Variants in SMARCA2 observed in about 807,000 individuals in gnomAD.
The protein encoded by SMARCA2 is SWI/SNF related BAF chromatin remodeling complex subunit ATPase 2.
Under a neutral mutation model 199.8 loss-of-function variants are expected in SMARCA2, and 61 were observed. The ratio of observed to expected loss-of-function variants is 0.31; its 90% CI spans 0.25 to 0.38. The LOEUF is 0.38. Ranked by LOEUF, SMARCA2 falls within the 10% of genes least tolerant of loss-of-function variation. SMARCA2 has a pLI of 1.00. For synonymous variants in SMARCA2, 935 were observed against 732.0 expected (o/e 1.28, Z -4.48); for missense variants, 1,344 against 2,012.2 (o/e 0.67, Z 6.35).
chr9:2,073,123 G>A, intron 10 of SMARCA2, 89 bp from the exon 11 acceptor site: 5 of 1,474,638 alleles, frequency 3.4e-6, no homozygotes, highest in Non-Finnish European at 4.6e-6. Flanking sequence ...TTCACATGCT[G>A]GGCAGCAAAA....
chr9:2,074,727 C>T (rs12342534), intron 12 of SMARCA2, among the ~76,000 whole-genome samples: 7,181 of 152,062 alleles, frequency 0.047, 483 homozygotes, highest in African/African-American at 0.15. Context: ...ATCAGCGGGG[C>T]GTGGTGACGC....
At chr9:2,150,222 G>A (rs568466657) in intron 27 of SMARCA2, among the ~76,000 whole-genome samples, 2 of 151,608 alleles carry the variant, frequency 1.3e-5, no homozygotes, top group East Asian at 3.9e-4. Context: ...AACATCCCTA[G>A]CATAATGCTA....
chr9:2,096,504 T>C, intron 19 of SMARCA2, 153 bp from the exon 20 acceptor site: 1 of 601,676 alleles, frequency 1.7e-6, no homozygotes, highest in South Asian at 2.0e-5. Flanking sequence ...TGGTCTCTTC[T>C]AACACCCCCA....
chr9:2,115,670 C>T lies in SMARCA2; in HGVS notation c.3457-152C>T. 6 of 643,010 alleles carry T rather than the reference C, an allele frequency of 9.3e-6. 1 individual carries two copies. The highest frequency in any genetic ancestry group is 4.1e-5 in the South Asian group (2 of 48,238). 39.8% of individuals were successfully genotyped at this position (643,010 alleles called of 1,614,324 possible). On this transcript the variant is annotated intron_variant, in intron 24 of 33. Transcript: ENST00000349721. The surrounding 1 kb of genome is among the most constrained non-coding windows in gnomAD (Gnocchi z 6.0). ...AGGAATGACACTGAATTTTTCCAAA[C>T]GTAGCTTGTGTGTTTTTAAAATGTA...
chr9:2,185,263 T>A (rs577414469), intron 31 of SMARCA2, among the ~76,000 whole-genome samples: 1 of 152,364 alleles, frequency 6.6e-6, no homozygotes, highest in South Asian at 2.1e-4. Flanking sequence ...TTCGTATGAG[T>A]AGAATCATAG....
At chr9:2,024,351 C>A (rs1818734330) in intron 1 of SMARCA2, among the ~76,000 whole-genome samples, 1 of 152,120 alleles carries the variant, frequency 6.6e-6, no homozygotes, top group Non-Finnish European at 1.5e-5. Context: ...CCGTGTCCTG[C>A]AGGATCTTTC....
intron 27 of SMARCA2, among the ~76,000 whole-genome samples, chr9:2,139,928 A>T (rs143278754): frequency 1.3e-5 from 2 of 152,362 alleles, no homozygotes; most frequent in South Asian, 4.1e-4. Flanking sequence ...TCATCCTTGC[A>T]TGAAGGTTAA....
At position 2,115,386 on chromosome 9, in the gene SMARCA2, A is replaced by G. The variant is rs1823174787; in HGVS notation, c.3457-436A>G. Among the ~76,000 whole-genome samples the G allele has an allele frequency of 6.6e-6, 1 of 152,178 alleles. No homozygotes were observed. Among genetic ancestry groups the G allele is most frequent in the African/African-American group, 2.4e-5 (1 of 41,456 alleles). On this transcript the variant is annotated intron_variant, in intron 24 of 33. Coordinates refer to ENST00000349721, the MANE Select transcript of SMARCA2 (RefSeq NM_003070.5). This position sits in a 1 kb window ranked among gnomAD's most constrained non-coding sequence, Gnocchi z 6.0. Reference sequence around the variant, plus strand: ...GTATGTATGTATAATACCTGAATGTACAACTCAGTGATATTTTTAAAATAA... The same window carrying G: ...GTATGTATGTATAATACCTGAATGTGCAACTCAGTGATATTTTTAAAATAA...
chr9:2,151,285 A>T (rs1347004260), intron 27 of SMARCA2, among the ~76,000 whole-genome samples: 1 of 151,632 alleles, frequency 6.6e-6, no homozygotes, highest in Non-Finnish European at 1.5e-5. Flanking sequence ...AAAATAGTTC[A>T]TCAGGAGAGG....
At chr9:2,063,952 C>T (rs1275038635) in intron 9 of SMARCA2, among the ~76,000 whole-genome samples, 1 of 152,106 alleles carries the variant, frequency 6.6e-6, no homozygotes, top group Non-Finnish European at 1.5e-5. Context: ...TCCATTAAAG[C>T]CCTTGAAATG....
At chr9:2,192,303 G>T (rs762686068) in intron 33 of SMARCA2, 12 of 174,528 alleles carry the variant, frequency 6.9e-5, no homozygotes, top group South Asian at 2.8e-4. Flanking sequence ...TCAGAATTAT[G>T]ATCTCACCCC....
chr9:2,047,338 C>A lies in SMARCA2; in HGVS notation c.900C>A (p.Ala300=). The A allele has an allele frequency of 8.1e-7, 1 of 1,240,524 alleles. No individual in the cohort carries two copies. The allele number at this position is 1,240,524 out of a possible 1,614,324, so 76.8% of individuals were successfully genotyped here. A position where few individuals can be genotyped will look rare whatever the true frequency, so the allele number is the denominator to read the frequency against. The part of the protein sequence containing the change: ...APPAAAQPPA[A]AVPGPSVPQP... ...CCGCAGCCGCGCAGCCGCCCGCGGCCGCAGTGCCCGGGCCCTCAGTGCCGC... is the reference window on the plus strand; with the variant it reads ...CCGCAGCCGCGCAGCCGCCCGCGGCAGCAGTGCCCGGGCCCTCAGTGCCGC... The change falls in exon 5 of 34, where the codon GCC becomes GCA. Residue 300 remains alanine, a synonymous_variant. Transcript: ENST00000349721.
At chr9:2,178,360 C>T (rs1424634108) in intron 29 of SMARCA2, among the ~76,000 whole-genome samples, 2 of 152,124 alleles carry the variant, frequency 1.3e-5, no homozygotes, top group Non-Finnish European at 2.9e-5. Context: ...ATGTCACAGG[C>T]CATCAGTGGT....
intron 4 of SMARCA2, chr9:2,041,153 T>G: frequency 2.0e-5 from 8 of 391,460 alleles, no homozygotes; most frequent in Non-Finnish European, 9.0e-6. Context: ...TTCTGCCTAT[T>G]GAGTTTGTAT....
At chr9:2,022,551 C>A (rs371139709) in intron 1 of SMARCA2, among the ~76,000 whole-genome samples, 4 of 152,114 alleles carry the variant, frequency 2.6e-5, no homozygotes, top group African/African-American at 9.7e-5. Context: ...TTAATGAGTG[C>A]CTATGATAGA....
chr9:2,043,749 T>C (rs1365972722), intron 4 of SMARCA2: 3 of 152,196 alleles, frequency 2.0e-5, no homozygotes, highest in Non-Finnish European at 4.4e-5. Flanking sequence ...TTTTAATACA[T>C]TGTTACCCTA....
chr9:2,108,734 C>T (rs918190042), intron 23 of SMARCA2, among the ~76,000 whole-genome samples: 2 of 152,040 alleles, frequency 1.3e-5, no homozygotes, highest in South Asian at 2.1e-4. Flanking sequence ...CCATTAGCGT[C>T]GTGAACAGAT....
chr9:2,123,106 G>A lies in SMARCA2; in HGVS notation c.3763-613G>A, dbSNP rs563219774. The stretch of plus-strand genomic sequence containing the variant: ...AAAGCTTAAAATGTAAAGAATTGAA[G>A]AGCATTCCTCAGACAGTGCCCATGA... On this transcript the variant is annotated intron_variant, in intron 26 of 33. Coordinates refer to ENST00000349721, the MANE Select transcript of SMARCA2 (RefSeq NM_003070.5). This position sits in a 1 kb window ranked among gnomAD's most constrained non-coding sequence, Gnocchi z 4.1. Among the ~76,000 whole-genome samples the A allele has an allele frequency of 1.3e-5, 2 of 152,188 alleles. No individual in the cohort carries two copies. The highest frequency in any genetic ancestry group is 4.8e-5 in the African/African-American group (2 of 41,440).
intron 27 of SMARCA2, among the ~76,000 whole-genome samples, chr9:2,153,096 C>A (rs529373914): frequency 1.1e-4 from 17 of 152,144 alleles, no homozygotes; most frequent in African/African-American, 3.1e-4. Context: ...TAAAGGAACT[C>A]AGCTAATTCA....
Sources: allele counts gnomAD v4.1 joint callset (sites outside exome capture counted in the v4.1 genomes callset), GRCh38; gene constraint gnomAD v4.1.1; non-coding constraint Gnocchi (gnomAD v3.1); transcripts MANE v1.5; gene names NCBI Gene and HGNC (gene_info 2026-07-23, HGNC 2026-07-21).